Variants in LTBP1 observed in about 807,000 individuals in gnomAD.
LTBP1 encodes latent transforming growth factor beta binding protein 1.
Under a neutral mutation model 207.6 loss-of-function variants are expected in LTBP1, and 129 were observed. That is an observed-to-expected ratio of 0.62 (90% CI 0.54 to 0.72). The LOEUF (loss-of-function observed/expected upper bound fraction) is 0.72, where lower values mean the gene tolerates loss of function less well. Ranked by LOEUF, LTBP1 falls within the 30% of genes least tolerant of loss-of-function variation. The pLI, the probability that LTBP1 is intolerant of heterozygous loss-of-function variation, is 0.00. For synonymous variants in LTBP1, 963 were observed against 833.7 expected (o/e 1.16, Z -2.67); for missense variants, 2,281 against 2,217.2 (o/e 1.03, Z -0.58).
intron 5 of LTBP1, among the ~76,000 whole-genome samples, chr2:33,143,474 A>G (rs1365340525): frequency 6.6e-6 from 1 of 152,216 alleles, no homozygotes; most frequent in Non-Finnish European, 1.5e-5. Flanking sequence ...AAAATCACAG[A>G]AGTAAAATAA....
intron 2 of LTBP1, among the ~76,000 whole-genome samples, chr2:33,014,523 C>T (rs1688091634): frequency 6.6e-6 from 1 of 152,218 alleles, no homozygotes; most frequent in Non-Finnish European, 1.5e-5. Context: ...CACAGTTAGA[C>T]TCACATTTCT....
At chr2:33,232,503 T>TC (rs2091845977) in intron 9 of LTBP1, among the ~76,000 whole-genome samples, 2 of 152,278 alleles carry the variant, frequency 1.3e-5, no homozygotes, top group Admixed American at 6.5e-5. Context: ...AAAGCCTTTT[T>TC]CCCTCATATA....
intron 19 of LTBP1, among the ~76,000 whole-genome samples, chr2:33,285,110 C>T (rs1255086169): frequency 2.0e-5 from 3 of 146,640 alleles, no homozygotes; most frequent in Non-Finnish European, 4.5e-5. Context: ...GGCGTGATCT[C>T]GGCTCACTGC....
intron 12 of LTBP1, among the ~76,000 whole-genome samples, chr2:33,258,995 A>G (rs2092939057): frequency 6.6e-6 from 1 of 152,228 alleles, no homozygotes; most frequent in African/African-American, 2.4e-5. Flanking sequence ...TTTGTTCAGT[A>G]TATTGATGCT....
chr2:33,359,494 A>G (rs3769553), intron 26 of LTBP1, among the ~76,000 whole-genome samples: 15,394 of 152,214 alleles, frequency 0.1, 1,044 homozygotes, highest in Middle Eastern at 0.16. Context: ...AGGTAAGTGT[A>G]AGTATGTGTG....
Position 33,398,430 on chromosome 2 carries a change from C to T in LTBP1, c.5051C>T (p.Thr1684Ile). 6.2e-7 allele frequency: 1 copy of T among 1,614,192 alleles called. No homozygotes were observed. Among genetic ancestry groups the T allele is most frequent in the Non-Finnish European group, 8.5e-7 (1 of 1,180,018 alleles). Residue 1684 changes from threonine to isoleucine, a missense_variant, in exon 34 of 34, where the codon ACC becomes ATC. Around this residue, in one of 3 missense-constraint regions of LTBP1, gnomAD observed 1,671 missense variants for 1,634.8 expected, o/e 1.02. Transcript: ENST00000404816. ...SLCKNAKCIN[T>I]DGSYKCLCLP... Reference sequence around the variant, plus strand: ...TGCAAGAATGCCAAGTGCATTAACACCGATGGTTCCTACAAGTGTTTGTGT... The same window carrying T: ...TGCAAGAATGCCAAGTGCATTAACATCGATGGTTCCTACAAGTGTTTGTGT...
chr2:32,958,449 A>G (rs1678456300), intron 2 of LTBP1, among the ~76,000 whole-genome samples: 2 of 152,056 alleles, frequency 1.3e-5, no homozygotes, highest in Non-Finnish European at 2.9e-5. Flanking sequence ...AGCAGATTCT[A>G]TTTGATGCTC....
chr2:33,294,344 C>T (rs1158061016), intron 20 of LTBP1, among the ~76,000 whole-genome samples: 2 of 151,452 alleles, frequency 1.3e-5, no homozygotes, highest in Admixed American at 1.3e-4. Flanking sequence ...TTACAGGTGC[C>T]TCCCACCATG....
At position 33,309,511 on chromosome 2, in the gene LTBP1, A is replaced by T. The variant is rs749239740; in HGVS notation, c.3559A>T (p.Thr1187Ser). ...CINTAGSYDC[T>S]CPDGFQLDDN... is the part of the protein sequence containing the mutation. ...TAATACTGCAGGGTCCTATGATTGT[A>T]CTTGTCCGGATGGATTTCAGCTAGA... The change falls in exon 23 of 34, where the codon ACT (threonine) becomes TCT (serine). Residue 1187 changes from threonine to serine, a missense_variant. Physicochemically the swap from Thr to Ser is moderately conservative, Grantham distance 58. This residue lies in a region of LTBP1 where 1,671 missense variants were observed against 1,634.8 expected (regional missense o/e 1.02). Transcript: ENST00000404816. The T allele has an allele frequency of 6.2e-7, 1 of 1,610,698 alleles. No homozygotes were observed. Among genetic ancestry groups the T allele is most frequent in the Non-Finnish European group, 8.5e-7 (1 of 1,178,660 alleles).
At chr2:33,341,916 A>G (rs1343030358) in intron 24 of LTBP1, among the ~76,000 whole-genome samples, 1 of 151,978 alleles carries the variant, frequency 6.6e-6, no homozygotes, top group Non-Finnish European at 1.5e-5. Context: ...ATATATTTGG[A>G]TGCTGTCATT....
At chr2:33,168,889 G>C (rs551340607) in intron 5 of LTBP1, among the ~76,000 whole-genome samples, 1 of 152,162 alleles carries the variant, frequency 6.6e-6, no homozygotes, top group Non-Finnish European at 1.5e-5. Flanking sequence ...CCTATATGCT[G>C]TCAGTGACAG....
In LTBP1 at chr2:33,365,361, A is replaced by G. The variant is rs766400148; in HGVS notation, c.4569A>G (p.Gln1523=). 4 of 1,614,170 alleles carry G rather than the reference A, an allele frequency of 2.5e-6. No individual in the cohort carries two copies. Among genetic ancestry groups the G allele is most frequent in the Non-Finnish European group, 3.4e-6 (4 of 1,180,010 alleles). ...NEQIEETDVY[Q]DLCWEHLSDE... is the part of the protein sequence containing the mutation. Reference sequence around the variant, plus strand: ...AAATAGAAGAAACTGATGTCTACCAAGATTTGTGCTGGGAACATCTGAGTG... The same window carrying G: ...AAATAGAAGAAACTGATGTCTACCAGGATTTGTGCTGGGAACATCTGAGTG... Residue 1523 remains glutamine (Q), a synonymous_variant, in exon 31 of 34, where the codon CAA becomes CAG. Coordinates refer to ENST00000404816, the MANE Select transcript of LTBP1 (RefSeq NM_206943.4).
chr2:33,257,923 A>G (rs896151165), intron 12 of LTBP1, among the ~76,000 whole-genome samples: 2 of 152,244 alleles, frequency 1.3e-5, no homozygotes, highest in African/African-American at 2.4e-5. Flanking sequence ...TGGGCAGTCA[A>G]GGATAATGGA....
At chr2:33,327,477 A>G (rs752062554) in intron 24 of LTBP1, among the ~76,000 whole-genome samples, 3 of 152,226 alleles carry the variant, frequency 2.0e-5, no homozygotes, top group Admixed American at 6.5e-5. Flanking sequence ...AACTCCCATG[A>G]CATAGAGTGG....
chr2:33,302,059 G>A (rs2093997202), intron 22 of LTBP1, among the ~76,000 whole-genome samples: 1 of 152,192 alleles, frequency 6.6e-6, no homozygotes, highest in South Asian at 2.1e-4. Flanking sequence ...TTGGCTTTTT[G>A]CATAAAATAT....
At chr2:33,234,945 C>A (rs202143905) in intron 9 of LTBP1, among the ~76,000 whole-genome samples, 2 of 152,070 alleles carry the variant, frequency 1.3e-5, no homozygotes, top group Non-Finnish European at 2.9e-5. Context: ...ACCATAAAAA[C>A]CCTAGAAGAA....
At chr2:33,267,944 C>G (rs2093224798) in intron 15 of LTBP1, among the ~76,000 whole-genome samples, 1 of 152,200 alleles carries the variant, frequency 6.6e-6, no homozygotes, top group African/African-American at 2.4e-5. Flanking sequence ...GGCAGAAATA[C>G]AGGGCTGACA....
intron 3 of LTBP1, among the ~76,000 whole-genome samples, chr2:33,083,119 T>C (rs1252882031): frequency 6.6e-6 from 1 of 151,754 alleles, no homozygotes; most frequent in Non-Finnish European, 1.5e-5. Context: ...TTGCTGCAGG[T>C]CTCTTTCTAG....
chr2:33,274,308 C>T (rs1354545330), intron 16 of LTBP1, among the ~76,000 whole-genome samples: 2 of 148,078 alleles, frequency 1.4e-5, no homozygotes, highest in Non-Finnish European at 1.5e-5. Flanking sequence ...TTAAATAAAT[C>T]ATTTTAATGT....
Sources: allele counts gnomAD v4.1 joint callset (sites outside exome capture counted in the v4.1 genomes callset), GRCh38; gene constraint gnomAD v4.1.1; regional missense constraint gnomAD v4.1.1; transcripts MANE v1.5; gene names NCBI Gene and HGNC (gene_info 2026-07-23, HGNC 2026-07-21).